Variants in KLRG1 observed in about 807,000 individuals in gnomAD.
KLRG1 encodes the protein killer cell lectin-like receptor subfamily G member 1.
In KLRG1, 16 loss-of-function variants were observed where a neutral mutation model predicts 21.8. The ratio of observed to expected loss-of-function variants is 0.73; its 90% confidence interval spans 0.50 to 1.11. The LOEUF (loss-of-function observed/expected upper bound fraction) is 1.11, where lower values mean the gene tolerates loss of function less well. Ranked by LOEUF, KLRG1 falls within the 50% of genes most tolerant of loss-of-function variation. KLRG1 has a pLI of 0.00. For missense variants in KLRG1, 173 were observed against 218.3 expected (o/e 0.79, Z 1.31); for synonymous variants, 69 against 75.9 (o/e 0.91, Z 0.47).
the KLRG1 span, chr12:9,067,929 C>T: frequency 8.0e-7 from 1 of 1,243,390 alleles, no homozygotes; most frequent in Non-Finnish European, 1.2e-6. Flanking sequence ...TAGCATAGTG[C>T]CCAAGGAAAC....
chr12:9,071,566 GT>G, the KLRG1 span, among the ~76,000 whole-genome samples: 4 of 152,044 alleles, frequency 2.6e-5, no homozygotes, highest in Admixed American at 6.6e-5. Context: ...CTGAATTGTT[GT>G]TTTTTTCTGA....
the KLRG1 span, among the ~76,000 whole-genome samples, chr12:9,027,292 T>C: frequency 6.6e-6 from 1 of 151,996 alleles, no homozygotes; most frequent in African/African-American, 2.4e-5. Context: ...AAACCCTTTG[T>C]TGGAATGCTT....
chr12:9,158,884 G>A, the KLRG1 span, among the ~76,000 whole-genome samples: 6 of 150,652 alleles, frequency 4.0e-5, no homozygotes, highest in Non-Finnish European at 8.8e-5. Flanking sequence ...GGTTAACTAA[G>A]TCATTTGCTT....
chr12:9,107,145 G>C, the KLRG1 span, among the ~76,000 whole-genome samples: 1 of 152,006 alleles, frequency 6.6e-6, no homozygotes, highest in Non-Finnish European at 1.5e-5. Context: ...TTCTATATGG[G>C]GACTGTGTTT....
the KLRG1 span, among the ~76,000 whole-genome samples, chr12:9,087,899 T>A: frequency 6.6e-6 from 1 of 152,262 alleles, no homozygotes; most frequent in South Asian, 2.1e-4. Context: ...CATATGTTCA[T>A]TAAGAGGCTC....
chr12:9,165,904 A>C, the KLRG1 span: 76 of 827,104 alleles, frequency 9.2e-5, no homozygotes, highest in Non-Finnish European at 1.2e-4. Flanking sequence ...AGCCTATGCA[A>C]TTGCGCATTT....
At chr12:8,962,482 G>A (rs866796721) in intron 1 of KLRG1, among the ~76,000 whole-genome samples, 7 of 152,236 alleles carry the variant, frequency 4.6e-5, no homozygotes, top group Middle Eastern at 3.4e-3. Flanking sequence ...GGGAGGCTGA[G>A]GTGAATGGAT....
chr12:9,186,538 C>G, the KLRG1 span, among the ~76,000 whole-genome samples: 4 of 151,606 alleles, frequency 2.6e-5, no homozygotes, highest in African/African-American at 9.7e-5. Flanking sequence ...CTGATAGGCT[C>G]GAGATAAAGG....
At chr12:9,044,673 C>CA in the KLRG1 span, among the ~76,000 whole-genome samples, 18,349 of 146,530 alleles carry the variant, frequency 0.13, 1,133 homozygotes, top group African/African-American at 0.14. Context: ...TTTCAAAAAA[C>CA]AAAAAAAAAA....
the KLRG1 span, among the ~76,000 whole-genome samples, chr12:9,194,854 T>C: frequency 5.9e-5 from 9 of 152,182 alleles, no homozygotes; most frequent in African/African-American, 1.9e-4. Context: ...TGGCTGTTTT[T>C]CCCTTTTCGC....
the KLRG1 span, among the ~76,000 whole-genome samples, chr12:9,188,046 G>A: frequency 2.8e-3 from 424 of 152,328 alleles, 3 homozygotes; most frequent in African/African-American, 9.8e-3. Context: ...AAACGTCCTT[G>A]ATGAACATTG....
chr12:9,127,453 AT>A, the KLRG1 span, among the ~76,000 whole-genome samples: 1 of 152,180 alleles, frequency 6.6e-6, no homozygotes, highest in Non-Finnish European at 1.5e-5. Flanking sequence ...ATAATTGGTA[AT>A]AATGCAATTA....
the KLRG1 span, chr12:9,181,074 A>G: frequency 6.2e-7 from 1 of 1,614,162 alleles, no homozygotes; most frequent in Non-Finnish European, 8.5e-7. Flanking sequence ...AGCAGCTGCT[A>G]CTTGCAGGTG....
At chr12:9,048,988 GAACA>G in the KLRG1 span, among the ~76,000 whole-genome samples, 1 of 152,178 alleles carries the variant, frequency 6.6e-6, no homozygotes, top group African/African-American at 2.4e-5. Context: ...GATTTTAAAA[GAACA>G]AACAAGAGAA....
chr12:9,136,605 CCAT>C, the KLRG1 span, among the ~76,000 whole-genome samples: 1 of 152,020 alleles, frequency 6.6e-6, no homozygotes, highest in Non-Finnish European at 1.5e-5. Context: ...AATATATACA[CCAT>C]GTTTCCATAG....
chr12:9,082,082 T>C, the KLRG1 span, among the ~76,000 whole-genome samples: 4 of 152,186 alleles, frequency 2.6e-5, no homozygotes, highest in Non-Finnish European at 5.9e-5. Context: ...GTGTATTTCA[T>C]AGAAGTGTAG....
chr12:9,108,378 A>G, the KLRG1 span, among the ~76,000 whole-genome samples: 1 of 152,058 alleles, frequency 6.6e-6, no homozygotes, highest in Non-Finnish European at 1.5e-5. Flanking sequence ...TGCCCACCTC[A>G]GCCTCCCAAA....
At chr12:9,203,621 G>A in the KLRG1 span, 9 of 886,322 alleles carry the variant, frequency 1.0e-5, no homozygotes, top group East Asian at 1.7e-4. Flanking sequence ...GATTACAGGC[G>A]TGAGCCACCG....
At chr12:9,086,039 G>A in the KLRG1 span, among the ~76,000 whole-genome samples, 3 of 152,082 alleles carry the variant, frequency 2.0e-5, no homozygotes, top group Non-Finnish European at 4.4e-5. Flanking sequence ...ATAACTGTTG[G>A]CTTCACTGCT....
Sources: allele counts gnomAD v4.1 joint callset (sites outside exome capture counted in the v4.1 genomes callset), GRCh38; gene constraint gnomAD v4.1.1; transcripts MANE v1.5; gene names NCBI Gene and HGNC (gene_info 2026-07-23, HGNC 2026-07-21).